Variants in AKAP8 observed in about 807,000 individuals in gnomAD.
AKAP8 encodes the protein A-kinase anchor protein 8.
A neutral mutation model predicts 67.5 loss-of-function variants in AKAP8; 24 were observed. That is an observed-to-expected ratio of 0.36 (90% CI 0.26 to 0.50). The LOEUF (loss-of-function observed/expected upper bound fraction) is 0.50. Ranked by LOEUF, AKAP8 falls within the 20% of genes least tolerant of loss-of-function variation. AKAP8 has a pLI of 0.97. For missense variants in AKAP8, 971 were observed against 955.9 expected (o/e 1.02, Z -0.21); for synonymous variants, 400 against 371.1 (o/e 1.08, Z -0.90).
At chr19:15,364,566 G>C (rs186076634) in intron 9 of AKAP8, among the ~76,000 whole-genome samples, 150 of 152,234 alleles carry the variant, frequency 9.9e-4, no homozygotes, top group African/African-American at 3.2e-3. Context: ...GGCTAGGTTG[G>C]TCTCGAACTC....
intron 13 of AKAP8, among the ~76,000 whole-genome samples, chr19:15,356,409 T>G (rs1392133576): frequency 1.1e-5 from 1 of 89,972 alleles, no homozygotes; most frequent in Non-Finnish European, 2.1e-5. Flanking sequence ...TCAGACTCCA[T>G]CTCAAAAAAA....
chr19:15,361,939 C>G (rs1030504775), intron 10 of AKAP8, 117 bp from the exon 11 acceptor site: 2 of 1,348,842 alleles, frequency 1.5e-6, no homozygotes, highest in East Asian at 2.3e-5. Context: ...CAGCACAGCA[C>G]GATGGCTGGA....
intron 9 of AKAP8, among the ~76,000 whole-genome samples, chr19:15,365,368 CAA>C (rs1967052242): frequency 6.6e-6 from 1 of 152,248 alleles, no homozygotes; most frequent in African/African-American, 2.4e-5. Context: ...CACAGGCTTT[CAA>C]AGTCTCCCCA....
At chr19:15,378,613 G>A (rs1255010699) in intron 1 of AKAP8, among the ~76,000 whole-genome samples, 1 of 152,196 alleles carries the variant, frequency 6.6e-6, no homozygotes, top group Admixed American at 6.5e-5. Flanking sequence ...CACCGCGCAC[G>A]CTGCCGCCTC....
chr19:15,371,858 C>T, intron 7 of AKAP8, 94 bp downstream of exon 7: 6 of 1,401,516 alleles, frequency 4.3e-6, no homozygotes, highest in Non-Finnish European at 6.0e-6. Flanking sequence ...GTCAAATCTA[C>T]CATGGCAGCT....
At position 15,363,494 on chromosome 19, in the gene AKAP8, G is replaced by GC. The variant is rs1172650797; in HGVS notation, c.1161-1244dup. ...TCCGGGAGGGAGGTGGGGGGGGTCA[G>GC]CCCCCCGCCCGGCCAGCCGCACCGT... On this transcript the variant is annotated intron_variant, in intron 9 of 13. Transcript: ENST00000269701. Among the ~76,000 whole-genome samples, 1,148 of 136,742 alleles carry GC rather than the reference G, an allele frequency of 8.4e-3. 26 individuals are homozygous for GC. The highest frequency in any genetic ancestry group is 0.032 in the African/African-American group (1,090 of 34,234). The allele number at this position is 136,742 out of a possible 152,430, so 89.7% of individuals were successfully genotyped here.
rs1362620621 is a variant in AKAP8, at chr19:15,353,982, G to C, written c.*933C>G. ...CTTCTATCTATGGCAATTTATGTTG[G>C]ATTATTCCACCTATGGCAATCACAT... is the stretch of plus-strand genomic sequence containing the variant. On this transcript the variant is annotated 3_prime_UTR_variant, in exon 14 of 14. Coordinates refer to ENST00000269701, the MANE Select transcript of AKAP8 (RefSeq NM_005858.4). 1 of 150,434 alleles carries C rather than the reference G, an allele frequency of 6.6e-6. No homozygotes were observed. The highest frequency in any genetic ancestry group is 2.4e-5 in the African/African-American group (1 of 40,986). 9.3% of individuals were successfully genotyped at this position (150,434 alleles called of 1,614,324 possible).
chr19:15,360,707 C>A, intron 12 of AKAP8, 141 bp downstream of exon 12: 2 of 1,111,860 alleles, frequency 1.8e-6, no homozygotes, highest in East Asian at 5.8e-5. Context: ...TGAGACGAAT[C>A]TTACGACCCA....
rs762529519 is a variant in AKAP8, at chr19:15,368,330, A to G, written c.1073-8T>C. ...CCTCGTCCTCCTTCTCTCCTGTAACAGACAAGTCCCTTCGAGACGCTCTGA... is the reference window on the plus strand; with the variant it reads ...CCTCGTCCTCCTTCTCTCCTGTAACGGACAAGTCCCTTCGAGACGCTCTGA... On this transcript the variant is annotated splice_polypyrimidine_tract_variant and splice_region_variant and intron_variant, in intron 8 of 13. Coordinates refer to ENST00000269701, the MANE Select transcript of AKAP8 (RefSeq NM_005858.4). 27 of 1,613,420 alleles carry G rather than the reference A, an allele frequency of 1.7e-5. No homozygotes were observed. The African/African-American group carries it at 2.4e-4, about 14-fold the overall frequency.
At chr19:15,357,105 C>T (rs1966894240) in intron 13 of AKAP8, among the ~76,000 whole-genome samples, 1 of 152,006 alleles carries the variant, frequency 6.6e-6, no homozygotes, top group Admixed American at 6.6e-5. Context: ...TTACAGGTGC[C>T]CGCCACCACG....
At chr19:15,361,963 C>T in intron 10 of AKAP8, 141 bp from the exon 11 acceptor site, 1 of 1,367,936 alleles carries the variant, frequency 7.3e-7, no homozygotes, top group Non-Finnish European at 1.0e-6. Flanking sequence ...CCCGGTTGTC[C>T]CTGTGACTCA....
intron 5 of AKAP8, 101 bp downstream of exon 5, chr19:15,372,750 T>C: frequency 7.1e-7 from 1 of 1,399,114 alleles, no homozygotes. Context: ...ACTGCGCACT[T>C]AAAAACATTT....
At chr19:15,371,901 A>T (rs1420344309) in intron 7 of AKAP8, 51 bp downstream of exon 7, 2 of 1,596,608 alleles carry the variant, frequency 1.3e-6, no homozygotes, top group Non-Finnish European at 1.7e-6. Context: ...GGGTGATTAA[A>T]GAAAGAAGAA....
intron 9 of AKAP8, among the ~76,000 whole-genome samples, chr19:15,364,475 C>T (rs1967037857): frequency 1.3e-5 from 2 of 152,160 alleles, no homozygotes; most frequent in African/African-American, 4.8e-5. Context: ...GTCAGCCTCC[C>T]GAGTAGCTGG....
intron 1 of AKAP8, among the ~76,000 whole-genome samples, chr19:15,378,779 T>C (rs1378049988): frequency 6.6e-6 from 1 of 152,180 alleles, no homozygotes; most frequent in Non-Finnish European, 1.5e-5. Flanking sequence ...AACTATCCCC[T>C]GTGGGCAAAC....
In AKAP8 at chr19:15,370,186, A is replaced by G; in HGVS notation, c.1039-7T>C. 6.2e-7 allele frequency: 1 copy of G among 1,614,042 alleles called. No individual in the cohort carries two copies. The highest frequency in any genetic ancestry group is 8.5e-7 in the Non-Finnish European group (1 of 1,179,988). ...AGTCGCAGAGTTCATCCTCCTGGAA[A>G]AGAGTATACACAAAGTCCGGCAGTG... On this transcript the variant is annotated splice_polypyrimidine_tract_variant and splice_region_variant and intron_variant, in intron 7 of 13. Transcript: ENST00000269701.
chr19:15,368,515 C>T (rs1488381005), intron 8 of AKAP8, 193 bp from the exon 9 acceptor site: 196 of 985,100 alleles, frequency 2.0e-4, no homozygotes, highest in Non-Finnish European at 2.3e-4. Flanking sequence ...AGTGAGAGCC[C>T]GGAGTAGTCA....
intron 13 of AKAP8, among the ~76,000 whole-genome samples, chr19:15,358,631 G>C (rs1263978436): frequency 1.3e-5 from 2 of 152,060 alleles, no homozygotes; most frequent in Non-Finnish European, 2.9e-5. Context: ...TCCCATCCCA[G>C]CTTCCCGAGT....
In AKAP8 at chr19:15,374,144, C is replaced by T. The variant is rs189988451; in HGVS notation, c.92-79G>A. 2.5e-3 allele frequency: 3,721 copies of T among 1,473,708 alleles called. 5 individuals carry two copies. Among genetic ancestry groups the T allele is most frequent in the Non-Finnish European group, 3.0e-3 (3,287 of 1,103,106 alleles). The allele number at this position is 1,473,708 out of a possible 1,614,324, so 91.3% of individuals were successfully genotyped here. On this transcript the variant is annotated intron_variant, in intron 3 of 13. Transcript: ENST00000269701. ...TGGTGGACACAACCGGGGAGGGGCA[C>T]CCGCTGCCACGGAGAAGGAAAACGG...
Sources: gnomAD v4.1 joint callset for allele counts (sites outside exome capture counted in the v4.1 genomes callset) on GRCh38, gnomAD v4.1.1 for gene constraint, MANE v1.5 for transcripts, NCBI Gene and HGNC (gene_info 2026-07-23, HGNC 2026-07-21) for gene names.